The following EPHA3 variants were observed in gnomAD, a reference collection of about 807,000 sequenced individuals.
The protein encoded by EPHA3 is EPH receptor A3.
In EPHA3, 42 loss-of-function variants were observed where a neutral mutation model predicts 107.1. That is an observed-to-expected ratio of 0.39 (90% CI 0.31 to 0.51). The LOEUF (loss-of-function observed/expected upper bound fraction) is 0.51. Ranked by LOEUF, EPHA3 falls within the 20% of genes least tolerant of loss-of-function variation. The pLI is 0.78. For synonymous variants in EPHA3, 461 were observed against 424.8 expected (o/e 1.09, Z -1.05); for missense variants, 1,183 against 1,211.2 (o/e 0.98, Z 0.35).
rs193104763 is a variant in EPHA3 at position 89,341,654 on chromosome 3, G to C, written c.971-101G>C. Reference sequence around the variant, plus strand: ...AACTGAAAGTTGATAATAAAGAAAGGATAGTTATTTACCTCATTCAGTTCC... The same window carrying C: ...AACTGAAAGTTGATAATAAAGAAAGCATAGTTATTTACCTCATTCAGTTCC... On this transcript the variant is annotated intron_variant, in intron 4 of 16. Coordinates refer to ENST00000336596, the MANE Select transcript of EPHA3 (RefSeq NM_005233.6). 33 of 912,682 alleles carry C rather than the reference G, an allele frequency of 3.6e-5. No individual in the cohort carries two copies. In the East Asian group the frequency reaches 4.9e-4, roughly 13 times the overall value. The allele number at this position is 912,682 out of a possible 1,614,324, so 56.5% of individuals were successfully genotyped here. A position where few individuals can be genotyped will look rare whatever the true frequency, so the allele number is the denominator to read the frequency against.
rs563776975 is a variant in EPHA3, at chr3:89,230,782, C to G, written c.814+20262C>G. Among the ~76,000 whole-genome samples, 20 of 125,278 alleles carry G rather than the reference C, an allele frequency of 1.6e-4. No homozygotes were observed. The East Asian group carries it at 4.1e-3, about 26-fold the overall frequency. The allele number at this position is 125,278 out of a possible 152,430, so 82.2% of individuals were successfully genotyped here. On this transcript the variant is annotated intron_variant, in intron 3 of 16. Transcript: ENST00000336596. Reference sequence around the variant, plus strand: ...TGGTATGGTTCCACTTCCCAATATACATATTTCTCTCTCTCTCTCTCTCCC... The same window carrying G: ...TGGTATGGTTCCACTTCCCAATATAGATATTTCTCTCTCTCTCTCTCTCCC...
chr3:89,451,403 T>C (rs1374040860), intron 15 of EPHA3, among the ~76,000 whole-genome samples: 8 of 152,160 alleles, frequency 5.3e-5, no homozygotes, highest in Admixed American at 1.3e-4. Context: ...GGCAAAGATA[T>C]CTTGTTTAAT....
At chr3:89,402,529 C>T (rs1455228175) in intron 7 of EPHA3, among the ~76,000 whole-genome samples, 1 of 151,872 alleles carries the variant, frequency 6.6e-6, no homozygotes, top group East Asian at 1.9e-4. Context: ...CTCACTCTCC[C>T]TATTGTTTTT....
chr3:89,192,825 C>G (rs2107144057), intron 2 of EPHA3, among the ~76,000 whole-genome samples: 1 of 152,128 alleles, frequency 6.6e-6, no homozygotes, highest in Non-Finnish European at 1.5e-5. Context: ...AATAAGGAGC[C>G]ATCCTGCTCC....
At chr3:89,109,112 T>A (rs543485579) in intron 1 of EPHA3, among the ~76,000 whole-genome samples, 50 of 152,272 alleles carry the variant, frequency 3.3e-4, no homozygotes, top group Non-Finnish European at 5.6e-4. Flanking sequence ...CAGTAATTTA[T>A]CTCCTTCCTT....
At chr3:89,294,824 T>C (rs1199575309) in intron 3 of EPHA3, among the ~76,000 whole-genome samples, 1 of 152,198 alleles carries the variant, frequency 6.6e-6, no homozygotes, top group African/African-American at 2.4e-5. Flanking sequence ...CTCTCTATTA[T>C]GAGTTGTATT....
chr3:89,165,100 A>T (rs2107081138), intron 2 of EPHA3, among the ~76,000 whole-genome samples: 1 of 152,320 alleles, frequency 6.6e-6, no homozygotes, highest in Non-Finnish European at 1.5e-5. Context: ...CATAAAACAG[A>T]TTAATACAGG....
At chr3:89,295,698 C>A (rs1468503821) in intron 3 of EPHA3, among the ~76,000 whole-genome samples, 1 of 152,124 alleles carries the variant, frequency 6.6e-6, no homozygotes, top group Non-Finnish European at 1.5e-5. Context: ...TCAAGAGATT[C>A]TCATGCCTCA....
chr3:89,253,663 TTTA>T, intron 3 of EPHA3, among the ~76,000 whole-genome samples: 1 of 152,308 alleles, frequency 6.6e-6, no homozygotes, highest in South Asian at 2.1e-4. Flanking sequence ...GTTTATAAAT[TTTA>T]TTAACTGTCA....
intron 5 of EPHA3, among the ~76,000 whole-genome samples, chr3:89,355,233 T>A (rs1390922314): frequency 1.3e-5 from 2 of 151,232 alleles, no homozygotes; most frequent in African/African-American, 4.8e-5. Flanking sequence ...GAGGTAAATA[T>A]TCATCTTGAT....
At chr3:89,414,364 A>G (rs776257252) in intron 10 of EPHA3, among the ~76,000 whole-genome samples, 3 of 151,714 alleles carry the variant, frequency 2.0e-5, no homozygotes, top group African/African-American at 4.8e-5. Context: ...TTGTGTTCAT[A>G]GAAAGAAAAT....
chr3:89,211,663 C>G (rs1341716449), intron 3 of EPHA3, among the ~76,000 whole-genome samples: 1 of 61,692 alleles, frequency 1.6e-5, no homozygotes, highest in African/African-American at 3.9e-5. Context: ...CTTCCTCTTC[C>G]TCTTCCTCCT....
At chr3:89,125,773 T>A (rs1487509543) in intron 1 of EPHA3, among the ~76,000 whole-genome samples, 4 of 151,690 alleles carry the variant, frequency 2.6e-5, no homozygotes, top group African/African-American at 9.7e-5. Context: ...ATTGTAGTGA[T>A]CAAGAGCCTT....
intron 3 of EPHA3, among the ~76,000 whole-genome samples, chr3:89,260,367 T>C (rs920851865): frequency 6.6e-6 from 1 of 152,196 alleles, no homozygotes; most frequent in Non-Finnish European, 1.5e-5. Context: ...TTTTTGATAA[T>C]AGCCAATCTA....
chr3:89,137,505 A>G (rs941936272), intron 2 of EPHA3, among the ~76,000 whole-genome samples: 5 of 151,980 alleles, frequency 3.3e-5, no homozygotes, highest in Non-Finnish European at 7.4e-5. Flanking sequence ...CGTAAGTCCC[A>G]TGTCCCAAAT....
intron 10 of EPHA3, among the ~76,000 whole-genome samples, chr3:89,414,739 C>T (rs1454811839): frequency 2.6e-5 from 4 of 151,560 alleles, no homozygotes; most frequent in African/African-American, 9.7e-5. Flanking sequence ...GATAAAATAT[C>T]TTTATATAGT....
chr3:89,367,972 A>C (rs180755763), intron 5 of EPHA3, among the ~76,000 whole-genome samples: 15 of 150,446 alleles, frequency 1.0e-4, no homozygotes, highest in African/African-American at 3.4e-4. Context: ...TTCTTACTGC[A>C]CTCTAGGTTC....
chr3:89,380,817 G>A (rs1381989235), intron 5 of EPHA3, among the ~76,000 whole-genome samples: 4 of 150,856 alleles, frequency 2.7e-5, no homozygotes, highest in Non-Finnish European at 4.4e-5. Flanking sequence ...TGCCCAAGCT[G>A]GGGGGCAGTG....
chr3:89,466,910 G>T (rs1426081978), intron 15 of EPHA3, among the ~76,000 whole-genome samples: 1 of 151,750 alleles, frequency 6.6e-6, no homozygotes, highest in Non-Finnish European at 1.5e-5. Context: ...CCACACGGAG[G>T]AATTAAACCA....
Sources: allele counts gnomAD v4.1 joint callset (sites outside exome capture counted in the v4.1 genomes callset), GRCh38; gene constraint gnomAD v4.1.1; transcripts MANE v1.5; gene names NCBI Gene and HGNC (gene_info 2026-07-23, HGNC 2026-07-21).